The following PTPRT variants were observed in gnomAD, a reference collection of about 807,000 sequenced individuals.
PTPRT encodes protein tyrosine phosphatase receptor type T, also known as receptor-type tyrosine-protein phosphatase T.
In PTPRT, 56 loss-of-function variants were observed where a neutral mutation model predicts 176.8. That is an observed-to-expected ratio of 0.32 (90% CI 0.26 to 0.40). The LOEUF is 0.40. Ranked by LOEUF, PTPRT falls within the 10% of genes least tolerant of loss-of-function variation. PTPRT has a pLI of 1.00. For missense variants in PTPRT, 1,540 were observed against 1,908.2 expected (o/e 0.81, Z 3.60); for synonymous variants, 783 against 739.0 (o/e 1.06, Z -0.96).
intron 14 of PTPRT, 119 bp from the exon 15 acceptor site, chr20:42,236,377 T>A (rs1221149099): frequency 3.5e-6 from 3 of 854,504 alleles, no homozygotes; most frequent in Non-Finnish European, 3.8e-6. Flanking sequence ...CACATATTAT[T>A]TCAGCATCCC....
At chr20:42,219,534 C>A (rs1228419332) in intron 15 of PTPRT, among the ~76,000 whole-genome samples, 1 of 152,208 alleles carries the variant, frequency 6.6e-6, no homozygotes, top group Non-Finnish European at 1.5e-5. Flanking sequence ...TTAGAGAGTT[C>A]TTCCTTAGAC....
At chr20:42,133,632 T>A (rs1988237566) in intron 18 of PTPRT, among the ~76,000 whole-genome samples, 1 of 152,184 alleles carries the variant, frequency 6.6e-6, no homozygotes, top group Non-Finnish European at 1.5e-5. Flanking sequence ...CATTGTACAT[T>A]TGTCAAATCC....
chr20:42,648,831 T>TGTTTTTTTTTTTTTG (rs1236302153), intron 7 of PTPRT, among the ~76,000 whole-genome samples: 1 of 146,992 alleles, frequency 6.8e-6, no homozygotes, highest in African/African-American at 2.6e-5. Flanking sequence ...TTTTTTTTTT[T>TGTTTTTTTTTTTTTG]TTTTTTTGAC....
chr20:42,056,880 G>C, the PTPRT span, among the ~76,000 whole-genome samples: 1 of 152,150 alleles, frequency 6.6e-6, no homozygotes, highest in Admixed American at 6.6e-5. Flanking sequence ...TCTTGGAGGA[G>C]GTCTCTTTGG....
intron 4 of PTPRT, among the ~76,000 whole-genome samples, chr20:42,773,648 G>A (rs1404048099): frequency 6.6e-6 from 1 of 152,112 alleles, no homozygotes; most frequent in Non-Finnish European, 1.5e-5. Context: ...TGCTCTGATT[G>A]TCTGAAATTG....
At chr20:42,604,048 T>C (rs758144256) in intron 7 of PTPRT, among the ~76,000 whole-genome samples, 1 of 152,198 alleles carries the variant, frequency 6.6e-6, no homozygotes, top group Admixed American at 6.5e-5. Context: ...AAAAGTAAGA[T>C]CACTGACAAA....
chr20:42,711,306 A>T (rs1188066335), intron 6 of PTPRT, among the ~76,000 whole-genome samples: 1 of 152,044 alleles, frequency 6.6e-6, no homozygotes. Flanking sequence ...CCCCTCTACA[A>T]ATCTCTTGTT....
chr20:42,657,971 C>T (rs1193338290), intron 7 of PTPRT, among the ~76,000 whole-genome samples: 1 of 150,442 alleles, frequency 6.6e-6, no homozygotes, highest in Admixed American at 6.6e-5. Flanking sequence ...CTTGATTTTA[C>T]CTTTTCTTGA....
At chr20:43,130,960 C>A (rs1001179130) in intron 1 of PTPRT, among the ~76,000 whole-genome samples, 1 of 152,188 alleles carries the variant, frequency 6.6e-6, no homozygotes, top group Non-Finnish European at 1.5e-5. Flanking sequence ...GCTGGCTAAG[C>A]ATCTAAATAC....
chr20:42,680,293 G>A (rs2075581470), intron 6 of PTPRT, among the ~76,000 whole-genome samples: 1 of 152,194 alleles, frequency 6.6e-6, no homozygotes, highest in South Asian at 2.1e-4. Context: ...ATTATAGCCT[G>A]CCATTTGGTC....
At chr20:42,648,260 G>A (rs1013901116) in intron 7 of PTPRT, among the ~76,000 whole-genome samples, 1 of 152,056 alleles carries the variant, frequency 6.6e-6, no homozygotes, top group Non-Finnish European at 1.5e-5. Flanking sequence ...GGTCCTTCAC[G>A]AACATGCTTC....
chr20:42,650,654 T>G (rs1285698046), intron 7 of PTPRT, among the ~76,000 whole-genome samples: 1 of 152,188 alleles, frequency 6.6e-6, no homozygotes, highest in Non-Finnish European at 1.5e-5. Context: ...CTCTGCTGCT[T>G]GCATTTCTGT....
intron 1 of PTPRT, among the ~76,000 whole-genome samples, chr20:42,914,317 G>C (rs949419883): frequency 1.3e-5 from 2 of 152,166 alleles, no homozygotes; most frequent in Non-Finnish European, 2.9e-5. Flanking sequence ...TCATGTCAAG[G>C]AAGGTGGGGT....
Position 43,175,301 on chromosome 20 carries a change from T to A in PTPRT, c.88+14345A>T, listed in dbSNP as rs552791962. Among the ~76,000 whole-genome samples, 26 of 152,352 alleles carry A rather than the reference T, an allele frequency of 1.7e-4. 1 individual carries two copies. In the South Asian group the frequency reaches 4.8e-3, roughly 28 times the overall value. On this transcript the variant is annotated intron_variant, in intron 1 of 30. Coordinates refer to ENST00000373187, the MANE Select transcript of PTPRT (RefSeq NM_007050.6). Reference sequence around the variant, plus strand: ...CTGTGATAAAGTTCTCTATTTCCCTTCTTCTGCATGATGCAGGGGTGTTAG... The same window carrying A: ...CTGTGATAAAGTTCTCTATTTCCCTACTTCTGCATGATGCAGGGGTGTTAG...
chr20:42,652,752 G>A (rs1386979884), intron 7 of PTPRT, among the ~76,000 whole-genome samples: 1 of 152,116 alleles, frequency 6.6e-6, no homozygotes, highest in African/African-American at 2.4e-5. Flanking sequence ...CCATCTTTGT[G>A]TCACATCACT....
At chr20:43,137,238 G>A (rs2013860587) in intron 1 of PTPRT, among the ~76,000 whole-genome samples, 1 of 152,174 alleles carries the variant, frequency 6.6e-6, no homozygotes, top group African/African-American at 2.4e-5. Flanking sequence ...CAGGGACAAT[G>A]ACAGAGGTCT....
chr20:42,434,027 A>G (rs1312573853), intron 9 of PTPRT, among the ~76,000 whole-genome samples: 1 of 152,192 alleles, frequency 6.6e-6, no homozygotes, highest in African/African-American at 2.4e-5. Flanking sequence ...TAAATGGAAT[A>G]AATAGATTAC....
At chr20:43,047,841 A>T (rs566101917) in intron 1 of PTPRT, among the ~76,000 whole-genome samples, 1 of 152,294 alleles carries the variant, frequency 6.6e-6, no homozygotes, top group Non-Finnish European at 1.5e-5. Flanking sequence ...TTTTGTCCCT[A>T]CTGCAGAACA....
At position 42,279,200 on chromosome 20, in the gene PTPRT, G is replaced by A. The variant is rs558065383; in HGVS notation, c.2176+3289C>T. ...AGGTCTAGAGTGTGTCAAGCAAAGTGCTCAAAATGTCTTTTAGCTTTTATA... is the reference window on the plus strand; with the variant it reads ...AGGTCTAGAGTGTGTCAAGCAAAGTACTCAAAATGTCTTTTAGCTTTTATA... On this transcript the variant is annotated intron_variant, in intron 13 of 30. Coordinates refer to ENST00000373187, the MANE Select transcript of PTPRT (RefSeq NM_007050.6). Among the ~76,000 whole-genome samples the A allele has an allele frequency of 1.4e-3, 214 of 152,148 alleles. 2 individuals are homozygous for A. The highest frequency in any genetic ancestry group is 0.014 in the Middle Eastern group (4 of 294).
Sources: allele counts gnomAD v4.1 joint callset (sites outside exome capture counted in the v4.1 genomes callset), GRCh38; gene constraint gnomAD v4.1.1; transcripts MANE v1.5; gene names NCBI Gene and HGNC (gene_info 2026-07-23, HGNC 2026-07-21).